Variants in CLIC5 observed in about 807,000 individuals in gnomAD.
CLIC5 encodes the protein chloride intracellular channel protein 5.
In CLIC5, 20 loss-of-function variants were observed where a neutral mutation model predicts 24.7. The observed-to-expected ratio is 0.81, with a 90% CI of 0.57 to 1.18. The LOEUF (loss-of-function observed/expected upper bound fraction) is 1.18. Among genes scored for constraint, CLIC5 ranks in the 50% most tolerant of loss-of-function variants. The pLI, the probability that CLIC5 is intolerant of heterozygous loss-of-function variation, is 0.00. For synonymous variants in CLIC5, 159 were observed against 135.6 expected (o/e 1.17, Z -1.20); for missense variants, 341 against 326.1 (o/e 1.05, Z -0.35).
At chr6:46,042,224 T>A (rs752138108) in intron 1 of CLIC5, among the ~76,000 whole-genome samples, 83 of 152,342 alleles carry the variant, frequency 5.4e-4, no homozygotes, top group Non-Finnish European at 9.6e-4. Context: ...GCTTAAATAT[T>A]CTGAACAGTT....
At chr6:45,933,032 CGA>C (rs1285261728) in intron 4 of CLIC5, among the ~76,000 whole-genome samples, 1 of 152,178 alleles carries the variant, frequency 6.6e-6, no homozygotes, top group Non-Finnish European at 1.5e-5. Context: ...TAGAATAACC[CGA>C]GAGTCTTCTT....
chr6:45,997,516 A>G (rs1298774329), intron 1 of CLIC5, among the ~76,000 whole-genome samples: 3 of 151,376 alleles, frequency 2.0e-5, no homozygotes, highest in African/African-American at 7.3e-5. Context: ...ATAAAAGAAA[A>G]AAAAAAAAAA....
chr6:45,994,627 A>AAAAATT (rs1030291554), intron 1 of CLIC5, among the ~76,000 whole-genome samples: 2 of 152,296 alleles, frequency 1.3e-5, no homozygotes, highest in African/African-American at 4.8e-5. Flanking sequence ...AAATAAAAAT[A>AAAAATT]AAAATAAAAA....
At chr6:45,904,853 A>G (rs1272485734) in intron 5 of CLIC5, among the ~76,000 whole-genome samples, 1 of 151,272 alleles carries the variant, frequency 6.6e-6, no homozygotes, top group Non-Finnish European at 1.5e-5. Context: ...AATAATGAGC[A>G]TAGTTTTTCT....
intron 1 of CLIC5, among the ~76,000 whole-genome samples, chr6:46,052,846 C>A (rs1768142822): frequency 6.6e-6 from 1 of 151,956 alleles, no homozygotes; most frequent in African/African-American, 2.4e-5. Context: ...AGGGTAAAGA[C>A]TTTCTCTTTC....
chr6:46,026,332 G>A (rs1197562492), intron 1 of CLIC5, among the ~76,000 whole-genome samples: 1 of 152,152 alleles, frequency 6.6e-6, no homozygotes, highest in Non-Finnish European at 1.5e-5. Flanking sequence ...CCTTATATAT[G>A]CATCGCTCTC....
At chr6:46,033,645 C>T (rs761200979) in intron 1 of CLIC5, among the ~76,000 whole-genome samples, 1 of 152,138 alleles carries the variant, frequency 6.6e-6, no homozygotes, top group Admixed American at 6.5e-5. Context: ...TTCACAGAGA[C>T]CCTGGACAGA....
Position 45,979,588 on chromosome 6 carries a change from C to T in CLIC5, c.64-24344G>A, listed in dbSNP as rs921627543. On this transcript the variant is annotated intron_variant, in intron 1 of 5. Transcript: ENST00000339561. ...ATATTCCTACTGCATAAGATTAGCA[C>T]CTGTGAAAAATCATTCTCCTTGAAT... Among the ~76,000 whole-genome samples, 13 of 152,206 alleles carry T rather than the reference C, an allele frequency of 8.5e-5. No homozygotes were observed. In the South Asian group the frequency reaches 2.5e-3, roughly 29 times the overall value.
At chr6:45,954,408 ACTAT>A (rs1764575067) in intron 2 of CLIC5, among the ~76,000 whole-genome samples, 1 of 152,218 alleles carries the variant, frequency 6.6e-6, no homozygotes, top group South Asian at 2.1e-4. Flanking sequence ...TCCAAGTGAA[ACTAT>A]CTAGATGATA....
intron 1 of CLIC5, among the ~76,000 whole-genome samples, chr6:46,008,960 T>C (rs1274409825): frequency 2.6e-5 from 4 of 152,094 alleles, no homozygotes; most frequent in Non-Finnish European, 4.4e-5. Flanking sequence ...TTCTCAGTCT[T>C]TGATGGGCTT....
At chr6:46,009,816 A>C (rs1172961562) in intron 1 of CLIC5, among the ~76,000 whole-genome samples, 1 of 152,182 alleles carries the variant, frequency 6.6e-6, no homozygotes, top group Non-Finnish European at 1.5e-5. Flanking sequence ...GGAAGCAGTT[A>C]TGTAGGAGCT....
chr6:46,019,671 C>A, upstream of CLIC5, among the ~76,000 whole-genome samples: 1 of 126,342 alleles, frequency 7.9e-6, no homozygotes, highest in African/African-American at 3.1e-5. Flanking sequence ...CCGGCCTGGG[C>A]GACAGAGCGA....
intron 4 of CLIC5, among the ~76,000 whole-genome samples, chr6:45,932,266 G>C (rs796966188): frequency 1.1e-4 from 16 of 152,146 alleles, no homozygotes; most frequent in African/African-American, 3.9e-4. Context: ...ATGCCCCCAC[G>C]ACCAGCTAAT....
At chr6:45,959,160 G>GA (rs1449929166) in intron 1 of CLIC5, among the ~76,000 whole-genome samples, 1 of 152,158 alleles carries the variant, frequency 6.6e-6, no homozygotes, top group Non-Finnish European at 1.5e-5. Flanking sequence ...AATTCAAGTG[G>GA]AAAATGGAGA....
At chr6:45,931,116 T>A (rs1013158924) in intron 4 of CLIC5, among the ~76,000 whole-genome samples, 1 of 152,218 alleles carries the variant, frequency 6.6e-6, no homozygotes, top group African/African-American at 2.4e-5. Flanking sequence ...ACGAATGATG[T>A]TTTATTGGAA....
chr6:45,899,000 C>A lies in CLIC5; in HGVS notation c.*4088G>T, dbSNP rs1407072235. 1.3e-5 allele frequency: 2 copies of A among 152,134 alleles called. No individual in the cohort carries two copies. Among genetic ancestry groups the A allele is most frequent in the Non-Finnish European group, 2.9e-5 (2 of 68,026 alleles). 9.4% of individuals were successfully genotyped at this position (152,134 alleles called of 1,614,324 possible). A position where few individuals can be genotyped will look rare whatever the true frequency, so the allele number is the denominator to read the frequency against. ...TGCAAGAAAGGAATTGGATCTATTT[C>A]TTTAACGTTAAATGAAATTATGCAC... On this transcript the variant is annotated 3_prime_UTR_variant, in exon 6 of 6. Coordinates refer to ENST00000339561, the MANE Select transcript of CLIC5 (RefSeq NM_016929.5).
At chr6:46,074,232 G>A (rs1221359466) in intron 1 of CLIC5, among the ~76,000 whole-genome samples, 8 of 152,010 alleles carry the variant, frequency 5.3e-5, no homozygotes, top group Admixed American at 3.3e-4. Flanking sequence ...AACATTTAAG[G>A]TGGTTAGATA....
intron 1 of CLIC5, among the ~76,000 whole-genome samples, chr6:46,029,894 G>C (rs1041589603): frequency 6.6e-6 from 1 of 152,112 alleles, no homozygotes; most frequent in African/African-American, 2.4e-5. Context: ...GGATTAAAAG[G>C]GCTTCAAGAG....
upstream of CLIC5, among the ~76,000 whole-genome samples, chr6:46,082,597 A>G (rs9395149): frequency 0.13 from 20,225 of 152,228 alleles, 1,841 homozygotes; most frequent in South Asian, 0.33. Flanking sequence ...GGATATTCCC[A>G]TATTAGACCT....
Sources: gnomAD v4.1 joint callset for allele counts (sites outside exome capture counted in the v4.1 genomes callset) on GRCh38, gnomAD v4.1.1 for gene constraint, MANE v1.5 for transcripts, NCBI Gene and HGNC (gene_info 2026-07-23, HGNC 2026-07-21) for gene names.